Variants in SYNDIG1L observed in about 807,000 individuals in gnomAD.
The protein encoded by SYNDIG1L is synapse differentiation inducing 1 like, also known as synapse differentiation-inducing gene protein 1-like.
SYNDIG1L carries 13 observed loss-of-function variants against 20.1 expected under a neutral mutation model. That is an observed-to-expected ratio of 0.65 (90% CI 0.42 to 1.03). The LOEUF is 1.03. Ranked by LOEUF, SYNDIG1L falls within the 50% of genes least tolerant of loss-of-function variation. The probability of loss-of-function intolerance (pLI) is 0.00; values close to 1 mark genes in which losing one functional copy is unlikely to be tolerated. For missense variants in SYNDIG1L, 294 were observed against 305.1 expected (o/e 0.96, Z 0.27); for synonymous variants, 128 against 129.3 (o/e 0.99, Z 0.07).
chr14:74,450,150 T>A, the SYNDIG1L span, among the ~76,000 whole-genome samples: 2 of 152,114 alleles, frequency 1.3e-5, no homozygotes, highest in Non-Finnish European at 2.9e-5. Context: ...AAGACACAAG[T>A]ACCAAAGCTC....
chr14:74,418,263 G>T (rs566130712), intron 1 of SYNDIG1L, among the ~76,000 whole-genome samples: 11 of 152,344 alleles, frequency 7.2e-5, no homozygotes, highest in African/African-American at 2.6e-4. Context: ...GCAGCTTGCT[G>T]CATTTGAGAA....
chr14:74,465,103 A>C, the SYNDIG1L span, among the ~76,000 whole-genome samples: 1 of 151,950 alleles, frequency 6.6e-6, no homozygotes, highest in Non-Finnish European at 1.5e-5. Context: ...GGCATGGCCG[A>C]CCCTGGCCCA....
intron 1 of SYNDIG1L, among the ~76,000 whole-genome samples, chr14:74,412,403 T>C (rs1404080286): frequency 6.6e-6 from 1 of 152,202 alleles, no homozygotes; most frequent in Non-Finnish European, 1.5e-5. Flanking sequence ...TCACGTACAC[T>C]GGGATTCCAT....
chr14:74,455,851 C>T, the SYNDIG1L span, among the ~76,000 whole-genome samples: 1 of 152,250 alleles, frequency 6.6e-6, no homozygotes, highest in Admixed American at 6.5e-5. Context: ...CTCCCTCCAA[C>T]TGTGCTGTTC....
the SYNDIG1L span, chr14:74,476,733 C>T: frequency 1.6e-6 from 1 of 627,046 alleles, no homozygotes; most frequent in South Asian, 2.0e-5. Flanking sequence ...CCCTCCCCTC[C>T]ACCCCTTTTT....
At chr14:74,450,707 C>T in the SYNDIG1L span, among the ~76,000 whole-genome samples, 5 of 152,128 alleles carry the variant, frequency 3.3e-5, no homozygotes, top group East Asian at 5.8e-4. Context: ...GATAAGCCAT[C>T]GTTTGGGAGA....
the SYNDIG1L span, among the ~76,000 whole-genome samples, chr14:74,463,388 T>C: frequency 6.6e-6 from 1 of 152,192 alleles, no homozygotes; most frequent in Non-Finnish European, 1.5e-5. Context: ...GTGTCCCTTC[T>C]TTGCCTATGG....
At chr14:74,443,532 T>C in the SYNDIG1L span, among the ~76,000 whole-genome samples, 2 of 152,146 alleles carry the variant, frequency 1.3e-5, no homozygotes, top group African/African-American at 2.4e-5. Flanking sequence ...ATCCTGAAAG[T>C]CTTGAGAGGC....
At chr14:74,440,115 C>T in the SYNDIG1L span, among the ~76,000 whole-genome samples, 1 of 152,038 alleles carries the variant, frequency 6.6e-6, no homozygotes, top group Non-Finnish European at 1.5e-5. Flanking sequence ...CGCGGTGGCT[C>T]ACGTCTGTAA....
chr14:74,434,895 T>C, the SYNDIG1L span, among the ~76,000 whole-genome samples: 3 of 140,230 alleles, frequency 2.1e-5, no homozygotes, highest in Admixed American at 7.4e-5. Flanking sequence ...TCCTGGCTAA[T>C]ACAGTGAAAC....
the SYNDIG1L span, among the ~76,000 whole-genome samples, chr14:74,460,833 G>A: frequency 6.6e-6 from 1 of 152,190 alleles, no homozygotes; most frequent in South Asian, 2.1e-4. Flanking sequence ...ATTTTTAATA[G>A]AGACAGGGTT....
the SYNDIG1L span, among the ~76,000 whole-genome samples, chr14:74,475,668 A>G: frequency 4.0e-5 from 6 of 151,514 alleles, no homozygotes; most frequent in African/African-American, 9.7e-5. Flanking sequence ...AGATTAGGAG[A>G]AAAAAAAATC....
chr14:74,432,593 C>T, the SYNDIG1L span, among the ~76,000 whole-genome samples: 5 of 152,202 alleles, frequency 3.3e-5, no homozygotes, highest in African/African-American at 1.2e-4. Context: ...AGGTGGCTCA[C>T]GCCTGTAATC....
chr14:74,435,812 C>T, the SYNDIG1L span, among the ~76,000 whole-genome samples: 13 of 152,102 alleles, frequency 8.5e-5, no homozygotes, highest in Admixed American at 3.3e-4. Context: ...AACTTTCAGC[C>T]GTGGAAAGTG....
intron 1 of SYNDIG1L, among the ~76,000 whole-genome samples, chr14:74,423,290 A>G (rs1414936068): frequency 1.3e-5 from 2 of 152,190 alleles, no homozygotes; most frequent in Non-Finnish European, 2.9e-5. Context: ...TGTCCACCCA[A>G]ACAGCTGCAG....
At chr14:74,454,820 G>A in the SYNDIG1L span, among the ~76,000 whole-genome samples, 26 of 152,150 alleles carry the variant, frequency 1.7e-4, no homozygotes, top group African/African-American at 6.3e-4. Context: ...CATTCTGATC[G>A]ATCCCCCACA....
intron 1 of SYNDIG1L, among the ~76,000 whole-genome samples, chr14:74,417,509 T>C (rs2086185970): frequency 6.6e-6 from 1 of 152,164 alleles, no homozygotes; most frequent in African/African-American, 2.4e-5. Flanking sequence ...CTGCTATTTA[T>C]TGCATCCTCC....
chr14:74,449,436 T>TAGAAAAAA, the SYNDIG1L span, among the ~76,000 whole-genome samples: 1 of 8,256 alleles, frequency 1.2e-4, no homozygotes, highest in African/African-American at 4.0e-4. Context: ...ATCCTGTCTT[T>TAGAAAAAA]ACAAAAAAAA....
At chr14:74,432,362 C>T in the SYNDIG1L span, among the ~76,000 whole-genome samples, 19 of 152,142 alleles carry the variant, frequency 1.2e-4, no homozygotes, top group African/African-American at 4.1e-4. Context: ...AGCCTTCATC[C>T]CATCTCTCCT....
Sources: gnomAD v4.1 joint callset for allele counts (sites outside exome capture counted in the v4.1 genomes callset) on GRCh38, gnomAD v4.1.1 for gene constraint, MANE v1.5 for transcripts, NCBI Gene and HGNC (gene_info 2026-07-23, HGNC 2026-07-21) for gene names.